ROBO2: variants seen among roughly 807,000 people sequenced by gnomAD.
ROBO2 encodes roundabout homolog 2.
In ROBO2, 53 loss-of-function variants were observed where a neutral mutation model predicts 160.8. The observed-to-expected ratio is 0.33, with a 90% CI of 0.26 to 0.41. The LOEUF (loss-of-function observed/expected upper bound fraction) is 0.41. ROBO2 is among the 10% of genes least tolerant of loss of function. ROBO2 has a pLI of 1.00. For synonymous variants in ROBO2, 664 were observed against 611.7 expected (o/e 1.09, Z -1.26); for missense variants, 1,577 against 1,722.4 (o/e 0.92, Z 1.49).
intron 1 of ROBO2, among the ~76,000 whole-genome samples, chr3:77,056,911 AAAAG>A (rs2065806683): frequency 6.6e-6 from 1 of 152,298 alleles, no homozygotes; most frequent in Admixed American, 6.5e-5. Context: ...TTTGTAAAAA[AAAAG>A]ACCAAGTTCA....
chr3:77,419,831 C>A (rs2077557336), intron 2 of ROBO2, among the ~76,000 whole-genome samples: 3 of 151,970 alleles, frequency 2.0e-5, no homozygotes, highest in African/African-American at 7.2e-5. Flanking sequence ...GCTAGAAAAG[C>A]CTAATATTTT....
At chr3:77,145,731 G>T (rs2077069118) in intron 2 of ROBO2, among the ~76,000 whole-genome samples, 1 of 152,130 alleles carries the variant, frequency 6.6e-6, no homozygotes, top group Non-Finnish European at 1.5e-5. Flanking sequence ...ATCAGTTTAT[G>T]TGTTTCTAGA....
rs145718520 is a variant in ROBO2 at position 76,284,444 on chromosome 3, T to G, written c.109+346842T>G. Among the ~76,000 whole-genome samples the G allele has an allele frequency of 4.4e-3, 662 of 152,174 alleles. 6 individuals carry two copies. The highest frequency in any genetic ancestry group is 0.025 in the Admixed American group (382 of 15,238). On this transcript the variant is annotated intron_variant, in intron 2 of 26. Coordinates refer to the ROBO2 transcript ENST00000487694. ...GAGATAAACTTAATCATCTTAACCT[T>G]CCAAGGGCATCTCCCATTGTCTTAT...
chr3:76,816,800 G>A (rs1490008194), intron 2 of ROBO2, among the ~76,000 whole-genome samples: 1 of 151,974 alleles, frequency 6.6e-6, no homozygotes, highest in African/African-American at 2.4e-5. Context: ...ATTCACAATA[G>A]CAAAGACTTG....
chr3:76,351,633 A>T (rs1159025950), intron 2 of ROBO2, among the ~76,000 whole-genome samples: 3 of 152,006 alleles, frequency 2.0e-5, no homozygotes, highest in African/African-American at 7.2e-5. Flanking sequence ...TCAATATTTC[A>T]TGAGGCTTAT....
intron 2 of ROBO2, among the ~76,000 whole-genome samples, chr3:76,508,091 A>G (rs1249966299): frequency 6.6e-6 from 1 of 152,188 alleles, no homozygotes; most frequent in Non-Finnish European, 1.5e-5. Flanking sequence ...ATACCTACAC[A>G]ATTTCAAGTA....
chr3:76,765,702 A>G (rs918771622), intron 2 of ROBO2, among the ~76,000 whole-genome samples: 4 of 151,666 alleles, frequency 2.6e-5, no homozygotes, highest in African/African-American at 9.7e-5. Context: ...CTGCCAGGTT[A>G]GTAAATCATT....
At chr3:77,316,499 A>C (rs1462643459) in intron 2 of ROBO2, among the ~76,000 whole-genome samples, 1 of 152,118 alleles carries the variant, frequency 6.6e-6, no homozygotes, top group Non-Finnish European at 1.5e-5. Flanking sequence ...TTTCTAGATA[A>C]AAAAGAAACT....
intron 2 of ROBO2, among the ~76,000 whole-genome samples, chr3:76,108,848 C>T (rs1203826404): frequency 2.6e-5 from 4 of 151,086 alleles, no homozygotes; most frequent in African/African-American, 9.7e-5. Flanking sequence ...AATGAGGTTA[C>T]ATACAGATAT....
chr3:77,377,071 T>C (rs554281966), intron 2 of ROBO2, among the ~76,000 whole-genome samples: 1 of 152,336 alleles, frequency 6.6e-6, no homozygotes, highest in African/African-American at 2.4e-5. Flanking sequence ...AAATCAATTA[T>C]GTGGTGATTT....
chr3:76,925,220 A>AT (rs2076913436), intron 2 of ROBO2, among the ~76,000 whole-genome samples: 3 of 145,800 alleles, frequency 2.1e-5, no homozygotes, highest in South Asian at 2.2e-4. Flanking sequence ...CAAAAAAAAA[A>AT]AAAAAAAAAA....
Position 76,786,882 on chromosome 3 carries a change from T to C in ROBO2, c.110-311132T>C, listed in dbSNP as rs143774249. Among the ~76,000 whole-genome samples the C allele has an allele frequency of 5.9e-3, 899 of 151,446 alleles. 14 individuals carry two copies. Among genetic ancestry groups the C allele is most frequent in the African/African-American group, 0.02 (846 of 41,428 alleles). ...CACACTGCTATAAAGAGCTACCTGA[T>C]AAATTTCTAAAGAAAAGAGGTTTAA... On this transcript the variant is annotated intron_variant, in intron 2 of 26. Transcript: ENST00000487694.
chr3:77,095,264 C>T (rs1466367067), intron 1 of ROBO2, among the ~76,000 whole-genome samples: 1 of 152,040 alleles, frequency 6.6e-6, no homozygotes, highest in Non-Finnish European at 1.5e-5. Flanking sequence ...ACATAGTTTA[C>T]ATATATTGTA....
chr3:77,067,028 TCACACACACACACACA>T (rs144228628), intron 1 of ROBO2, among the ~76,000 whole-genome samples: 1 of 136,840 alleles, frequency 7.3e-6, no homozygotes. Context: ...ACACACACAC[TCACACACACACACACA>T]CACACACACA....
intron 2 of ROBO2, among the ~76,000 whole-genome samples, chr3:76,011,339 A>G (rs995947002): frequency 6.6e-6 from 1 of 152,190 alleles, no homozygotes; most frequent in African/African-American, 2.4e-5. Context: ...GAGACCCAAA[A>G]TAGCCACCAG....
chr3:76,238,702 C>T (rs746986013), intron 2 of ROBO2, among the ~76,000 whole-genome samples: 1 of 148,214 alleles, frequency 6.7e-6, no homozygotes, highest in African/African-American at 2.5e-5. Flanking sequence ...TCAACTCCCC[C>T]CAGGTCTCCC....
rs1341615587 is a variant in ROBO2 at position 77,131,741 on chromosome 3, A to G, written c.388+33401A>G. 5.3e-5 allele frequency among the ~76,000 whole-genome samples: 8 copies of G among 152,160 alleles called. 1 individual carries two copies. In the South Asian group the frequency reaches 1.4e-3, roughly 28 times the overall value. Reference sequence around the variant, plus strand: ...AGCATAGTTATCAATGCTCCATAAAATGTGTTGAATGAGTACAGCATAGTC... The same window carrying G: ...AGCATAGTTATCAATGCTCCATAAAGTGTGTTGAATGAGTACAGCATAGTC... On this transcript the variant is annotated intron_variant, in intron 2 of 25. Coordinates refer to ENST00000461745, the Ensembl canonical transcript of ROBO2.
chr3:76,992,548 C>T (rs1032255569), intron 2 of ROBO2, among the ~76,000 whole-genome samples: 10 of 151,074 alleles, frequency 6.6e-5, no homozygotes, highest in Admixed American at 4.0e-4. Flanking sequence ...TCCGTAATTT[C>T]GTGAGAAAAA....
In ROBO2 at chr3:76,539,032, A is replaced by G. The variant is rs181377144; in HGVS notation, c.110-558982A>G. Among the ~76,000 whole-genome samples, 320 of 152,296 alleles carry G rather than the reference A, an allele frequency of 2.1e-3. 1 individual carries two copies. Among genetic ancestry groups the G allele is most frequent in the African/African-American group, 7.5e-3 (310 of 41,554 alleles). On this transcript the variant is annotated intron_variant, in intron 2 of 26. Transcript: ENST00000487694. ...TGTGGCCATAAAAAACAATGAGTTC[A>G]CGTCCTTTGCAGGGACATGGATGAA...
Sources: allele counts gnomAD v4.1 joint callset (sites outside exome capture counted in the v4.1 genomes callset), GRCh38; gene constraint gnomAD v4.1.1; transcripts MANE v1.5; gene names NCBI Gene and HGNC (gene_info 2026-07-23, HGNC 2026-07-21).